Variants in ARB2A observed in about 807,000 individuals in gnomAD.
The protein encoded by ARB2A is cotranscriptional regulator ARB2A.
the ARB2A span, among the ~76,000 whole-genome samples, chr5:93,700,510 A>T: frequency 1.8e-4 from 27 of 152,124 alleles, no homozygotes; most frequent in Admixed American, 3.3e-4. Flanking sequence ...TTGAAAAAAA[A>T]ATGGTGATCA....
the ARB2A span, among the ~76,000 whole-genome samples, chr5:93,929,749 A>C: frequency 1.3e-5 from 2 of 152,194 alleles, no homozygotes; most frequent in African/African-American, 4.8e-5. Flanking sequence ...AATCAAACAG[A>C]AAAGAAATGA....
the ARB2A span, among the ~76,000 whole-genome samples, chr5:93,928,070 T>C: frequency 1.3e-5 from 2 of 152,150 alleles, no homozygotes; most frequent in Non-Finnish European, 2.9e-5. Flanking sequence ...GTTAAGGTTA[T>C]ATATCCACTT....
the ARB2A span, among the ~76,000 whole-genome samples, chr5:93,886,621 T>A: frequency 6.6e-6 from 1 of 151,608 alleles, no homozygotes; most frequent in Non-Finnish European, 1.5e-5. Context: ...AACAGTGAGA[T>A]GAGGTCATGA....
chr5:93,828,068 A>G, the ARB2A span, among the ~76,000 whole-genome samples: 1 of 152,118 alleles, frequency 6.6e-6, no homozygotes, highest in Admixed American at 6.6e-5. Flanking sequence ...TGACTTGGCG[A>G]TGTGGGCTCT....
At chr5:94,001,289 C>A in the ARB2A span, among the ~76,000 whole-genome samples, 1 of 152,136 alleles carries the variant, frequency 6.6e-6, no homozygotes, top group Admixed American at 6.6e-5. Flanking sequence ...CATGGTATAT[C>A]TATTTATTTA....
At chr5:93,769,573 G>T in the ARB2A span, among the ~76,000 whole-genome samples, 33 of 152,264 alleles carry the variant, frequency 2.2e-4, no homozygotes, top group South Asian at 6.4e-3. Flanking sequence ...TTATAAGTAG[G>T]TATAGGAAAT....
At chr5:93,809,723 C>T in the ARB2A span, among the ~76,000 whole-genome samples, 2 of 151,928 alleles carry the variant, frequency 1.3e-5, no homozygotes, top group South Asian at 4.1e-4. Flanking sequence ...ATTATAGGGA[C>T]TCAAATGTTT....
At chr5:93,805,509 A>G in the ARB2A span, 3 of 985,000 alleles carry the variant, frequency 3.0e-6, no homozygotes, top group East Asian at 3.4e-4. Context: ...CTTCCAGTGT[A>G]AGGTCCTGAG....
At chr5:93,768,212 G>T in the ARB2A span, among the ~76,000 whole-genome samples, 1 of 151,200 alleles carries the variant, frequency 6.6e-6, no homozygotes, top group Non-Finnish European at 1.5e-5. Flanking sequence ...GAGTGGGAGT[G>T]GTGCAAGGGA....
At chr5:93,807,294 G>T in the ARB2A span, among the ~76,000 whole-genome samples, 2 of 151,908 alleles carry the variant, frequency 1.3e-5, no homozygotes, top group African/African-American at 2.4e-5. Context: ...ATTTCCCACA[G>T]ATTTGGTTGA....
the ARB2A span, among the ~76,000 whole-genome samples, chr5:93,674,328 A>T: frequency 6.6e-6 from 1 of 152,316 alleles, no homozygotes; most frequent in African/African-American, 2.4e-5. Context: ...AACCCTGGCT[A>T]AGCTTAAGAC....
chr5:93,943,132 G>A, the ARB2A span, among the ~76,000 whole-genome samples: 3 of 152,112 alleles, frequency 2.0e-5, no homozygotes, highest in East Asian at 1.9e-4. Context: ...AAATTCTTAC[G>A]AATGAAATTT....
the ARB2A span, among the ~76,000 whole-genome samples, chr5:93,980,012 A>G: frequency 1.3e-5 from 2 of 152,054 alleles, no homozygotes; most frequent in African/African-American, 4.8e-5. Flanking sequence ...ATATTTTTCT[A>G]CCTTGGTTTT....
At chr5:93,910,287 T>C in the ARB2A span, among the ~76,000 whole-genome samples, 1 of 151,092 alleles carries the variant, frequency 6.6e-6, no homozygotes, top group African/African-American at 2.4e-5. Flanking sequence ...TATAACTATA[T>C]GATCTTCTTA....
the ARB2A span, among the ~76,000 whole-genome samples, chr5:93,668,134 G>A: frequency 3.9e-5 from 6 of 152,236 alleles, no homozygotes; most frequent in South Asian, 2.1e-4. Flanking sequence ...TTGAGATAGC[G>A]TCTCAGTCTC....
At chr5:93,818,003 A>T in the ARB2A span, among the ~76,000 whole-genome samples, 1 of 152,126 alleles carries the variant, frequency 6.6e-6, no homozygotes, top group Admixed American at 6.5e-5. Context: ...AATAAAAATG[A>T]TAACCCAATT....
the ARB2A span, among the ~76,000 whole-genome samples, chr5:93,816,060 C>T: frequency 6.6e-6 from 1 of 152,208 alleles, no homozygotes; most frequent in Non-Finnish European, 1.5e-5. Flanking sequence ...CTAAATCCAC[C>T]TGGCTCCTCT....
chr5:93,852,289 T>G, the ARB2A span, among the ~76,000 whole-genome samples: 1 of 152,194 alleles, frequency 6.6e-6, no homozygotes, highest in African/African-American at 2.4e-5. Flanking sequence ...TTGCCCACTT[T>G]TTGATGGGGT....
At chr5:93,819,577 G>T in the ARB2A span, among the ~76,000 whole-genome samples, 1 of 152,084 alleles carries the variant, frequency 6.6e-6, no homozygotes, top group African/African-American at 2.4e-5. Flanking sequence ...CCAACTTTTA[G>T]CTGTTCTCAT....
Sources: allele counts gnomAD v4.1 joint callset (sites outside exome capture counted in the v4.1 genomes callset), GRCh38; gene constraint gnomAD v4.1.1; transcripts MANE v1.5; gene names NCBI Gene and HGNC (gene_info 2026-07-23, HGNC 2026-07-21).